PRLR: variants seen among roughly 807,000 people sequenced by gnomAD.
The protein encoded by PRLR is hPRL receptor.
PRLR carries 13 observed loss-of-function variants against 40.2 expected under a neutral mutation model. The observed-to-expected ratio is 0.32, with a 90% CI of 0.21 to 0.51. PRLR has a LOEUF of 0.51. Ranked by LOEUF, PRLR falls within the 20% of genes least tolerant of loss-of-function variation. The pLI is 0.97. For missense variants in PRLR, 656 were observed against 747.3 expected (o/e 0.88, Z 1.42); for synonymous variants, 269 against 278.7 (o/e 0.97, Z 0.35).
At chr5:35,171,202 A>G (rs1366110653) in intron 1 of PRLR, among the ~76,000 whole-genome samples, 1 of 152,134 alleles carries the variant, frequency 6.6e-6, no homozygotes, top group African/African-American at 2.4e-5. Flanking sequence ...CAAGATCTCA[A>G]ATGAGCCACA....
intron 1 of PRLR, among the ~76,000 whole-genome samples, chr5:35,192,494 T>TA (rs1324044653): frequency 6.6e-6 from 1 of 152,062 alleles, no homozygotes; most frequent in Non-Finnish European, 1.5e-5. Flanking sequence ...GAGCTAAGCC[T>TA]AAAAAGGGTT....
intron 1 of PRLR, among the ~76,000 whole-genome samples, chr5:35,148,703 T>G (rs1290128699): frequency 2.0e-5 from 3 of 152,166 alleles, no homozygotes; most frequent in Non-Finnish European, 4.4e-5. Flanking sequence ...TCCTTCCTTC[T>G]CTTAGAAACG....
At chr5:35,082,755 C>A (rs189170989) in intron 5 of PRLR, among the ~76,000 whole-genome samples, 1 of 152,164 alleles carries the variant, frequency 6.6e-6, no homozygotes, top group Admixed American at 6.5e-5. Context: ...GAAAATGTAC[C>A]GTGCATTTTA....
chr5:35,140,911 C>T (rs1242988991), intron 1 of PRLR, among the ~76,000 whole-genome samples: 1 of 152,016 alleles, frequency 6.6e-6, no homozygotes, highest in Non-Finnish European at 1.5e-5. Flanking sequence ...ATGTACCCAA[C>T]TGAAAAAAAA....
At chr5:35,136,243 C>T (rs1773855051) in intron 1 of PRLR, among the ~76,000 whole-genome samples, 1 of 152,084 alleles carries the variant, frequency 6.6e-6, no homozygotes, top group South Asian at 2.1e-4. Flanking sequence ...ATATAAGGTT[C>T]AAAAAAGCCA....
chr5:35,203,529 G>T (rs1490614294), intron 1 of PRLR, among the ~76,000 whole-genome samples: 7 of 152,118 alleles, frequency 4.6e-5, no homozygotes, highest in Non-Finnish European at 8.8e-5. Context: ...CATTCTTTGT[G>T]CCAGAACTTT....
In PRLR at chr5:35,209,222, A is replaced by G. The variant is rs532133604; in HGVS notation, c.-106+21046T>C. Among the ~76,000 whole-genome samples the G allele has an allele frequency of 3.9e-5, 6 of 152,254 alleles. No individual in the cohort carries two copies. In the South Asian group the frequency reaches 6.2e-4, roughly 16 times the overall value. On this transcript the variant is annotated intron_variant, in intron 1 of 9. Transcript: ENST00000618457. ...ATTCTAGAATGCCAAAAAAATTATAAAAATTTTAAGCCTACATAAGAATCC... is the reference window on the plus strand; with the variant it reads ...ATTCTAGAATGCCAAAAAAATTATAGAAATTTTAAGCCTACATAAGAATCC...
chr5:35,083,466 G>C (rs1770652483), intron 5 of PRLR, among the ~76,000 whole-genome samples: 1 of 151,280 alleles, frequency 6.6e-6, no homozygotes, highest in Admixed American at 6.6e-5. Context: ...GTGTGTGTGT[G>C]TGTGTGTGTG....
chr5:35,058,190 C>T lies in PRLR; in HGVS notation c.*6899G>A, dbSNP rs531705350. 2.0e-5 allele frequency: 3 copies of T among 151,866 alleles called. No individual in the cohort carries two copies. In the South Asian group the frequency reaches 6.2e-4, roughly 32 times the overall value. The allele number at this position is 151,866 out of a possible 1,614,324, so 9.4% of individuals were successfully genotyped here. ...TAAAACAATTACTTCTAATTTCTCA[C>T]TTAGTGTTGGGGAATTTTGCTTGGC... On this transcript the variant is annotated 3_prime_UTR_variant, in exon 10 of 10. Transcript: ENST00000618457.
At chr5:35,178,216 A>G (rs1281992945) in intron 1 of PRLR, among the ~76,000 whole-genome samples, 1 of 152,148 alleles carries the variant, frequency 6.6e-6, no homozygotes, top group Non-Finnish European at 1.5e-5. Flanking sequence ...TTTGCGACTC[A>G]GTTGCAAACT....
chr5:35,088,838 C>A (rs1771022653), intron 3 of PRLR, among the ~76,000 whole-genome samples: 1 of 152,142 alleles, frequency 6.6e-6, no homozygotes, highest in South Asian at 2.1e-4. Context: ...CAGGTACCTG[C>A]AGAGAAGTGT....
chr5:35,074,826 C>A (rs937341439), intron 5 of PRLR, among the ~76,000 whole-genome samples: 1 of 152,002 alleles, frequency 6.6e-6, no homozygotes, highest in Non-Finnish European at 1.5e-5. Flanking sequence ...GAGGCATTTA[C>A]TTCTGTAGGC....
At chr5:35,217,238 C>T (rs1444932198) in intron 1 of PRLR, among the ~76,000 whole-genome samples, 1 of 152,126 alleles carries the variant, frequency 6.6e-6, no homozygotes, top group African/African-American at 2.4e-5. Flanking sequence ...CTAAGTGAAC[C>T]CCAACATTCC....
At chr5:35,200,642 G>A (rs9687437) in intron 1 of PRLR, among the ~76,000 whole-genome samples, 1 of 151,982 alleles carries the variant, frequency 6.6e-6, no homozygotes, top group African/African-American at 2.4e-5. Flanking sequence ...AGGGTTTCTG[G>A]GTATTGGTAT....
chr5:35,129,059 G>A (rs1333209095), intron 1 of PRLR, among the ~76,000 whole-genome samples: 1 of 152,172 alleles, frequency 6.6e-6, no homozygotes, highest in Admixed American at 6.5e-5. Context: ...GGGAACCAGA[G>A]CCATTTGTTA....
intron 1 of PRLR, among the ~76,000 whole-genome samples, chr5:35,207,614 T>TTG (rs142502829): frequency 0.18 from 27,091 of 146,850 alleles, 4,111 homozygotes; most frequent in African/African-American, 0.43. Flanking sequence ...CAATGGGAGA[T>TTG]TGTGTGTGTG....
At chr5:35,092,989 C>G (rs907744782) in intron 2 of PRLR, among the ~76,000 whole-genome samples, 1 of 152,280 alleles carries the variant, frequency 6.6e-6, no homozygotes, top group South Asian at 2.1e-4. Flanking sequence ...GTGGTATGAA[C>G]GCCAAGAAAA....
chr5:35,159,260 G>T (rs1489345431), intron 1 of PRLR, among the ~76,000 whole-genome samples: 1 of 149,854 alleles, frequency 6.7e-6, no homozygotes, highest in Non-Finnish European at 1.5e-5. Flanking sequence ...GCCTTCTTTT[G>T]GCCTCCAGAG....
At chr5:35,204,382 A>G (rs1469982807) in intron 1 of PRLR, among the ~76,000 whole-genome samples, 1 of 152,032 alleles carries the variant, frequency 6.6e-6, no homozygotes, top group Non-Finnish European at 1.5e-5. Context: ...TCTTATGATG[A>G]GGATGGGGAT....
Sources: allele counts gnomAD v4.1 joint callset (sites outside exome capture counted in the v4.1 genomes callset), GRCh38; gene constraint gnomAD v4.1.1; transcripts MANE v1.5; gene names NCBI Gene and HGNC (gene_info 2026-07-23, HGNC 2026-07-21).